Variants in IDO2 observed in about 807,000 individuals in gnomAD.
IDO2 encodes indoleamine 2,3-dioxygenase-like 1 protein.
A neutral mutation model predicts 45.1 loss-of-function variants in IDO2; 46 were observed. The ratio of observed to expected loss-of-function variants is 1.02; its 90% confidence interval spans 0.80 to 1.30. The LOEUF (loss-of-function observed/expected upper bound fraction) is 1.30. Ranked by LOEUF, IDO2 falls within the 50% of genes most tolerant of loss-of-function variation. The pLI, the probability that IDO2 is intolerant of heterozygous loss-of-function variation, is 0.00. For missense variants in IDO2, 544 were observed against 491.8 expected (o/e 1.11, Z -1.00); for synonymous variants, 218 against 184.9 (o/e 1.18, Z -1.45).
exon 7 of IDO2, chr8:39,987,931 G>A: frequency 6.2e-7 from 1 of 1,611,400 alleles, no homozygotes; most frequent in South Asian, 1.1e-5. Flanking sequence ...TTATACTGGT[G>A]ACTGCTTTGG....
chr8:39,950,220 G>A (rs1257669354), intron 2 of IDO2, among the ~76,000 whole-genome samples: 4 of 152,072 alleles, frequency 2.6e-5, no homozygotes, highest in African/African-American at 9.7e-5. Flanking sequence ...GAGGGCCAAG[G>A]CCACTCAGTT....
chr8:39,995,526 C>A (rs1269325697), intron 8 of IDO2, among the ~76,000 whole-genome samples: 1 of 152,002 alleles, frequency 6.6e-6, no homozygotes, highest in Non-Finnish European at 1.5e-5. Context: ...AAGTGATCCA[C>A]CTGCCTCGGC....
chr8:39,988,660 G>T (rs1452524402), intron 7 of IDO2, among the ~76,000 whole-genome samples: 1 of 151,770 alleles, frequency 6.6e-6, no homozygotes, highest in African/African-American at 2.4e-5. Context: ...CTCGTGATCT[G>T]CTTGCCTCAG....
At chr8:40,011,755 C>T (rs139328330) in intron 9 of IDO2, among the ~76,000 whole-genome samples, 81 of 152,330 alleles carry the variant, frequency 5.3e-4, no homozygotes, top group African/African-American at 1.9e-3. Context: ...TACTAATTTA[C>T]TCAGATGAGA....
At chr8:39,994,982 A>G (rs1260646807) in intron 8 of IDO2, 1 of 152,180 alleles carries the variant, frequency 6.6e-6, no homozygotes, top group Non-Finnish European at 1.5e-5. Context: ...GCCTCTATTC[A>G]CACTGTTCAT....
chr8:39,983,697 C>G (rs959350824), intron 5 of IDO2, among the ~76,000 whole-genome samples: 6 of 152,018 alleles, frequency 3.9e-5, no homozygotes, highest in African/African-American at 1.5e-4. Context: ...AACCCCGTCT[C>G]TACTAAAAAT....
At chr8:39,999,092 G>T (rs1802097316) in intron 8 of IDO2, among the ~76,000 whole-genome samples, 1 of 151,976 alleles carries the variant, frequency 6.6e-6, no homozygotes, top group Admixed American at 6.6e-5. Context: ...GGATATTTTT[G>T]CTAGCAGCTA....
chr8:40,007,708 A>G (rs200836442), intron 9 of IDO2, among the ~76,000 whole-genome samples: 2 of 152,310 alleles, frequency 1.3e-5, no homozygotes, highest in East Asian at 3.9e-4. Context: ...TTCCCTTGTT[A>G]CGTAACAATT....
rs528099873 is a variant in IDO2, at chr8:39,939,819, C to T, written c.-18+4601C>T. On this transcript the variant is annotated intron_variant, in intron 1 of 10. Coordinates refer to ENST00000502986, the Ensembl canonical transcript of IDO2. ...AATTAATGAACTGGGCAAAAACACT[C>T]AATGTACCAGCGTTATCGATTTAGA... is the stretch of plus-strand genomic sequence containing the variant. 2.0e-5 allele frequency among the ~76,000 whole-genome samples: 3 copies of T among 152,050 alleles called. No homozygotes were observed. In the South Asian group the frequency reaches 6.2e-4, roughly 32 times the overall value.
At chr8:39,953,979 G>A (rs952813494) in intron 2 of IDO2, among the ~76,000 whole-genome samples, 1 of 152,094 alleles carries the variant, frequency 6.6e-6, no homozygotes, top group Non-Finnish European at 1.5e-5. Flanking sequence ...CCATCTAACC[G>A]AATGCCATTT....
intron 1 of IDO2, among the ~76,000 whole-genome samples, chr8:39,946,312 C>T (rs1807728771): frequency 6.6e-6 from 1 of 152,196 alleles, no homozygotes; most frequent in Non-Finnish European, 1.5e-5. Context: ...ACCAAGTTGT[C>T]CTTAAAAACT....
rs183301827 is a variant in IDO2 at position 39,958,599 on chromosome 8, T to C, written c.100-5009T>C. Among the ~76,000 whole-genome samples, 434 of 152,246 alleles carry C rather than the reference T, an allele frequency of 2.9e-3. 19 individuals are homozygous for C. In the East Asian group the frequency reaches 0.068, roughly 24 times the overall value. ...TTTAGTAGCTGAGATTATAGGCTCG[T>C]GTCACCACGCCTGGCTAATTTTTGT... On this transcript the variant is annotated intron_variant, in intron 2 of 10. Coordinates refer to ENST00000502986, the Ensembl canonical transcript of IDO2.
rs1808475463 is a variant in IDO2 at position 39,989,839 on chromosome 8, G to T, written c.667+1G>T. 11 of 1,576,252 alleles carry T rather than the reference G, an allele frequency of 7.0e-6. No individual in the cohort carries two copies. The East Asian group carries it at 2.3e-4, about 33-fold the overall frequency. Reference sequence around the variant, plus strand: ...ACCAAAACCTTAGGACAGATGCATGGTAAGATGCTTCCGAAGCTCCTGAAG... The same window carrying T: ...ACCAAAACCTTAGGACAGATGCATGTTAAGATGCTTCCGAAGCTCCTGAAG... On this transcript the variant is annotated splice_donor_variant, in intron 8 of 10. Coordinates refer to ENST00000502986, the Ensembl canonical transcript of IDO2. LOFTEE classifies it high-confidence loss of function.
intron 9 of IDO2, among the ~76,000 whole-genome samples, chr8:40,013,008 G>T (rs550339548): frequency 2.5e-4 from 38 of 152,288 alleles, no homozygotes; most frequent in African/African-American, 8.4e-4. Context: ...GTAATATCCA[G>T]AATTGGTAGT....
At chr8:39,961,472 G>A (rs1807996354) in intron 2 of IDO2, among the ~76,000 whole-genome samples, 2 of 151,876 alleles carry the variant, frequency 1.3e-5, no homozygotes, top group South Asian at 4.2e-4. Flanking sequence ...ACAGGCATGT[G>A]CCAACACGCC....
Position 39,963,704 on chromosome 8 carries a change from G to T in IDO2, c.195+1G>T. 6.3e-7 allele frequency: 1 copy of T among 1,583,766 alleles called. No homozygotes were observed. The highest frequency in any genetic ancestry group is 8.6e-7 in the Non-Finnish European group (1 of 1,156,212). On this transcript the variant is annotated splice_donor_variant, in intron 3 of 10. Transcript: ENST00000502986. LOFTEE classifies it high-confidence loss of function. The stretch of plus-strand genomic sequence containing the variant: ...CCAGCTTCAAGCTCATGTGGACAAG[G>T]TATTCTTCTCTTCACCCCCTCATCA...
intron 5 of IDO2, among the ~76,000 whole-genome samples, chr8:39,983,432 G>C (rs1198377837): frequency 2.0e-5 from 3 of 152,170 alleles, no homozygotes; most frequent in African/African-American, 4.8e-5. Flanking sequence ...TTCTTTTGTG[G>C]CTGACTACAA....
At chr8:39,966,930 T>C (rs1322640636) in intron 3 of IDO2, among the ~76,000 whole-genome samples, 1 of 152,202 alleles carries the variant, frequency 6.6e-6, no homozygotes, top group Non-Finnish European at 1.5e-5. Flanking sequence ...ATGATATTAG[T>C]GCTTTAAATA....
intron 7 of IDO2, among the ~76,000 whole-genome samples, chr8:39,988,523 C>T (rs1042463753): frequency 1.3e-5 from 2 of 152,176 alleles, no homozygotes; most frequent in Non-Finnish European, 2.9e-5. Context: ...TCTCCACCTC[C>T]CAGGTTCAAG....
Sources: allele counts gnomAD v4.1 joint callset (sites outside exome capture counted in the v4.1 genomes callset), GRCh38; gene constraint gnomAD v4.1.1; transcripts MANE v1.5; gene names NCBI Gene and HGNC (gene_info 2026-07-23, HGNC 2026-07-21).